The following APBB2 variants were observed in gnomAD, a reference collection of about 807,000 sequenced individuals.
APBB2 encodes the protein Fe65-like 1.
A neutral mutation model predicts 82.5 loss-of-function variants in APBB2; 38 were observed. That is an observed-to-expected ratio of 0.46 (90% CI 0.36 to 0.60). APBB2 has a LOEUF of 0.60. Ranked by LOEUF, APBB2 falls within the 20% of genes least tolerant of loss-of-function variation. The pLI, the probability that APBB2 is intolerant of heterozygous loss-of-function variation, is 0.00. For missense variants in APBB2, 772 were observed against 972.3 expected (o/e 0.79, Z 2.74); for synonymous variants, 341 against 368.2 (o/e 0.93, Z 0.85).
intron 10 of APBB2, among the ~76,000 whole-genome samples, chr4:40,927,234 TA>T (rs1782843477): frequency 6.6e-6 from 1 of 152,178 alleles, no homozygotes; most frequent in Non-Finnish European, 1.5e-5. Context: ...AACAAGGTTC[TA>T]AAAACAGTAC....
chr4:40,830,435 C>T (rs372690197), intron 13 of APBB2, 28 bp downstream of exon 13: 22 of 1,480,908 alleles, frequency 1.5e-5, no homozygotes, highest in African/African-American at 4.1e-5. Flanking sequence ...AAGAGAGAGG[C>T]GGCCCATACT....
intron 1 of APBB2, among the ~76,000 whole-genome samples, chr4:41,145,554 A>G (rs1369772514): frequency 2.6e-5 from 4 of 152,234 alleles, no homozygotes; most frequent in Admixed American, 2.6e-4. Context: ...TGAAGACTCA[A>G]TCCTAGGCTA....
At chr4:41,172,780 T>TC (rs1768675905) in intron 1 of APBB2, among the ~76,000 whole-genome samples, 1 of 152,222 alleles carries the variant, frequency 6.6e-6, no homozygotes, top group Non-Finnish European at 1.5e-5. Context: ...ACCACTGCTT[T>TC]TTCTTTCCAC....
At chr4:41,023,401 G>A (rs1280079438) in intron 5 of APBB2, among the ~76,000 whole-genome samples, 2 of 152,020 alleles carry the variant, frequency 1.3e-5, no homozygotes, top group Non-Finnish European at 2.9e-5. Context: ...GCTTCATTGA[G>A]ATATAATTTA....
At chr4:41,084,975 G>A (rs886609926) in intron 3 of APBB2, among the ~76,000 whole-genome samples, 5 of 152,072 alleles carry the variant, frequency 3.3e-5, no homozygotes, top group African/African-American at 9.7e-5. Context: ...TGCCGGCCAC[G>A]CACAGTGGCT....
chr4:40,955,933 G>A (rs751085595), intron 6 of APBB2, among the ~76,000 whole-genome samples: 9 of 151,826 alleles, frequency 5.9e-5, no homozygotes, highest in Admixed American at 1.3e-4. Flanking sequence ...GTGCCACCAC[G>A]CCCGGCTAAT....
At chr4:41,067,424 AAGAG>A (rs1161976195) in intron 3 of APBB2, among the ~76,000 whole-genome samples, 102 of 152,100 alleles carry the variant, frequency 6.7e-4, no homozygotes, top group Non-Finnish European at 1.3e-3. Context: ...AAAAAAAAAA[AAGAG>A]AGAGAAATTG....
chr4:41,074,609 T>A (rs1560682345), intron 3 of APBB2, among the ~76,000 whole-genome samples: 1 of 48,270 alleles, frequency 2.1e-5, no homozygotes, highest in Non-Finnish European at 4.9e-5. Flanking sequence ...ATTATTATTA[T>A]TTTTTTTTTT....
chr4:41,105,839 T>C (rs962923783), intron 2 of APBB2, among the ~76,000 whole-genome samples: 2 of 144,322 alleles, frequency 1.4e-5, no homozygotes, highest in African/African-American at 5.2e-5. Context: ...TGAGCCCAGA[T>C]AGCGCCACTG....
rs548010993 is a variant in APBB2, at chr4:40,952,318, C to G, written c.836-7245G>C. 8.5e-5 allele frequency among the ~76,000 whole-genome samples: 13 copies of G among 152,190 alleles called. No homozygotes were observed. The South Asian group carries it at 2.7e-3, about 32-fold the overall frequency. ...GAGGTCCGGCAAGTCCAGATTCTACCCCACCTGCCTTGCTGACTGTCTTCC... is the reference window on the plus strand; with the variant it reads ...GAGGTCCGGCAAGTCCAGATTCTACGCCACCTGCCTTGCTGACTGTCTTCC... On this transcript the variant is annotated intron_variant, in intron 6 of 17. Transcript: ENST00000508593.
At chr4:41,081,109 G>A (rs1481134047) in intron 3 of APBB2, among the ~76,000 whole-genome samples, 1 of 152,160 alleles carries the variant, frequency 6.6e-6, no homozygotes, top group Non-Finnish European at 1.5e-5. Context: ...ACTAAAACAA[G>A]AGTTTCATTC....
At chr4:40,835,274 TA>T (rs55645125) in intron 12 of APBB2, among the ~76,000 whole-genome samples, 30,535 of 130,930 alleles carry the variant, frequency 0.23, 3,692 homozygotes, top group Admixed American at 0.36. Context: ...AGATTCCGTC[TA>T]AAAAAAAAAA....
intron 15 of APBB2, among the ~76,000 whole-genome samples, chr4:40,824,437 A>G (rs1486108993): frequency 6.6e-6 from 1 of 152,190 alleles, no homozygotes; most frequent in Non-Finnish European, 1.5e-5. Context: ...TCACTCACGT[A>G]AAGTGTGCAA....
chr4:41,041,092 G>C (rs376327280), intron 4 of APBB2, among the ~76,000 whole-genome samples: 3 of 152,258 alleles, frequency 2.0e-5, no homozygotes, highest in African/African-American at 7.2e-5. Context: ...GTGTTAGCCA[G>C]GATGGTCTCG....
intron 3 of APBB2, among the ~76,000 whole-genome samples, chr4:41,066,377 T>C (rs964521004): frequency 2.6e-5 from 4 of 152,202 alleles, no homozygotes; most frequent in Non-Finnish European, 4.4e-5. Context: ...TTAAAAAACA[T>C]ATGCAGAACA....
chr4:40,824,032 T>A (rs963486771), intron 15 of APBB2, among the ~76,000 whole-genome samples: 1 of 152,098 alleles, frequency 6.6e-6, no homozygotes, highest in African/African-American at 2.4e-5. Context: ...AAACCCTGTC[T>A]CTACTAAAAA....
chr4:40,887,264 T>C (rs1326465479), intron 12 of APBB2, among the ~76,000 whole-genome samples: 1 of 152,170 alleles, frequency 6.6e-6, no homozygotes, highest in Non-Finnish European at 1.5e-5. Context: ...ACATCCAAAA[T>C]ACTTTGATAA....
At chr4:41,112,350 C>G (rs931837753) in intron 2 of APBB2, among the ~76,000 whole-genome samples, 1 of 152,188 alleles carries the variant, frequency 6.6e-6, no homozygotes, top group East Asian at 1.9e-4. Flanking sequence ...TGCAACAATT[C>G]CAGGGACTTG....
chr4:40,982,463 A>AT (rs1553894331), intron 6 of APBB2, among the ~76,000 whole-genome samples: 1 of 139,938 alleles, frequency 7.1e-6, no homozygotes, highest in Non-Finnish European at 1.6e-5. Context: ...GAATGAATGA[A>AT]TTTGAGACCA....
Sources: gnomAD v4.1 joint callset for allele counts (sites outside exome capture counted in the v4.1 genomes callset) on GRCh38, gnomAD v4.1.1 for gene constraint, MANE v1.5 for transcripts, NCBI Gene and HGNC (gene_info 2026-07-23, HGNC 2026-07-21) for gene names.